The following BACE2 variants were observed in gnomAD, a reference collection of about 807,000 sequenced individuals.
The protein encoded by BACE2 is beta-secretase 2, also known as 56 kDa aspartic-like protease.
Under a neutral mutation model 46.2 loss-of-function variants are expected in BACE2, and 17 were observed. That is an observed-to-expected ratio of 0.37 (90% CI 0.25 to 0.55). The LOEUF (loss-of-function observed/expected upper bound fraction) is 0.55. Among genes scored for constraint, BACE2 ranks in the 20% least tolerant of loss-of-function variants. The pLI is 0.82. For missense variants in BACE2, 595 were observed against 698.1 expected (o/e 0.85, Z 1.66); for synonymous variants, 277 against 295.9 (o/e 0.94, Z 0.66).
intron 1 of BACE2, among the ~76,000 whole-genome samples, chr21:41,221,129 A>G (rs1986632326): frequency 6.6e-6 from 1 of 151,538 alleles, no homozygotes; most frequent in Non-Finnish European, 1.5e-5. Context: ...CTGTTTCCCT[A>G]CCATTCCTAC....
rs115629354 is a variant in BACE2 at position 41,248,990 on chromosome 21, C to A, written c.985-1762C>A. 3.0e-3 allele frequency among the ~76,000 whole-genome samples: 461 copies of A among 152,346 alleles called. 2 individuals are homozygous for A. Among genetic ancestry groups the A allele is most frequent in the African/African-American group, 9.8e-3 (407 of 41,568 alleles). Reference sequence around the variant, plus strand: ...TTCTGGCCTGAGCCACCTGTTCTTGCTGCACACCCTCCTACGTGATCCCAT... The same window carrying A: ...TTCTGGCCTGAGCCACCTGTTCTTGATGCACACCCTCCTACGTGATCCCAT... On this transcript the variant is annotated intron_variant, in intron 6 of 8. Transcript: ENST00000330333.
At chr21:41,271,073 A>T (rs2088429676) in intron 8 of BACE2, among the ~76,000 whole-genome samples, 1 of 152,136 alleles carries the variant, frequency 6.6e-6, no homozygotes, top group Non-Finnish European at 1.5e-5. Flanking sequence ...ACTTCTAGTA[A>T]TTTTTTTGAT....
chr21:41,199,347 G>A (rs1270253825), intron 1 of BACE2, among the ~76,000 whole-genome samples: 1 of 151,962 alleles, frequency 6.6e-6, no homozygotes, highest in African/African-American at 2.4e-5. Flanking sequence ...GGAGCCCCAG[G>A]GAGGAGGGGA....
chr21:41,250,899 C>T lies in BACE2; in HGVS notation c.1132C>T (p.Gln378Ter). Residue 378 changes from glutamine (Q) to a stop codon, truncating the protein, a stop_gained and splice_region_variant, in exon 7 of 9, where the codon CAG (glutamine) becomes TAG (stop). Transcript: ENST00000330333. LOFTEE classifies it high-confidence loss of function. ...GTCATTCCGTATCACAATCCTGCCT[C>T]AGGTATGAACTTGGATTTGTGCTTT... ...SRSFRITILP[Q>*]LYIQPMMGAG... 1 of 1,614,010 alleles carries T rather than the reference C, an allele frequency of 6.2e-7. No homozygotes were observed. The highest frequency in any genetic ancestry group is 8.5e-7 in the Non-Finnish European group (1 of 1,179,952).
chr21:41,273,488 AT>A (rs1346459587), intron 8 of BACE2, among the ~76,000 whole-genome samples: 1 of 152,114 alleles, frequency 6.6e-6, no homozygotes, highest in African/African-American at 2.4e-5. Context: ...ATTCAGCGAT[AT>A]TTCTCCTATT....
chr21:41,214,598 G>C (rs1020393790), intron 1 of BACE2, among the ~76,000 whole-genome samples: 2 of 152,216 alleles, frequency 1.3e-5, no homozygotes, highest in Non-Finnish European at 2.9e-5. Flanking sequence ...GTGCTCAAGA[G>C]ATTTGCTTTA....
chr21:41,257,185 G>C lies in BACE2; in HGVS notation c.1162G>C (p.Gly388Arg). 3.1e-6 allele frequency: 5 copies of C among 1,614,110 alleles called. No individual in the cohort carries two copies. Among genetic ancestry groups the C allele is most frequent in the Non-Finnish European group, 4.2e-6 (5 of 1,180,024 alleles). The change falls in exon 8 of 9, where the codon GGC becomes CGC. Residue 388 changes from glycine to arginine, a missense_variant. By Grantham distance (125) the Gly-to-Arg change is moderately radical (BLOSUM62 -2). Around this residue, in one of 3 missense-constraint regions of BACE2, gnomAD observed 343 missense variants for 419.4 expected, o/e 0.82. Transcript: ENST00000330333. Reference sequence around the variant, plus strand: ...TTACATTCAGCCCATGATGGGGGCCGGCCTGAATTATGAATGTTACCGATT... The same window carrying C: ...TTACATTCAGCCCATGATGGGGGCCCGCCTGAATTATGAATGTTACCGATT... The part of the protein sequence containing the change: ...QLYIQPMMGA[G>R]LNYECYRFGI...
At chr21:41,170,032 G>T (rs1354959763) in intron 1 of BACE2, among the ~76,000 whole-genome samples, 1 of 152,140 alleles carries the variant, frequency 6.6e-6, no homozygotes, top group South Asian at 2.1e-4. Context: ...GAATCTTTTG[G>T]AACAGGCCTT....
chr21:41,267,198 T>C (rs2088386723), intron 8 of BACE2, among the ~76,000 whole-genome samples: 1 of 152,192 alleles, frequency 6.6e-6, no homozygotes, highest in African/African-American at 2.4e-5. Flanking sequence ...GCTTCTCTTA[T>C]GCTTCCCCTG....
chr21:41,243,288 TCTC>T, intron 4 of BACE2, 85 bp from the exon 5 acceptor site: 1 of 1,115,174 alleles, frequency 9.0e-7, no homozygotes. Context: ...CAGTGAAGTT[TCTC>T]TTTACAAGTG....
At chr21:41,275,009 C>T (rs2088469705) in intron 8 of BACE2, among the ~76,000 whole-genome samples, 1 of 152,202 alleles carries the variant, frequency 6.6e-6, no homozygotes, top group Admixed American at 6.5e-5. Flanking sequence ...TGAGGAAGCA[C>T]AACCCACACA....
chr21:41,200,051 AG>A (rs914521510), intron 1 of BACE2, among the ~76,000 whole-genome samples: 1 of 93,510 alleles, frequency 1.1e-5, no homozygotes, highest in South Asian at 4.6e-4. Flanking sequence ...GGGTGGGGGG[AG>A]GGGGGAGGAA....
intron 8 of BACE2, among the ~76,000 whole-genome samples, chr21:41,274,216 T>C (rs1306228886): frequency 2.0e-5 from 3 of 152,096 alleles, no homozygotes; most frequent in South Asian, 2.1e-4. Flanking sequence ...TCTTTTTCAG[T>C]GCACTTAGGA....
intron 1 of BACE2, chr21:41,179,789 T>C (rs1352268880): frequency 3.5e-6 from 2 of 576,220 alleles, no homozygotes; most frequent in African/African-American, 2.0e-5. Flanking sequence ...GAGACTATTG[T>C]GTGTTTTATT....
At chr21:41,256,342 T>C (rs1202762628) in intron 7 of BACE2, among the ~76,000 whole-genome samples, 1 of 152,218 alleles carries the variant, frequency 6.6e-6, no homozygotes, top group East Asian at 1.9e-4. Flanking sequence ...CATGTGGTGT[T>C]TGGTTTTCTG....
chr21:41,210,130 C>T (rs964271409), intron 1 of BACE2, among the ~76,000 whole-genome samples: 2 of 152,016 alleles, frequency 1.3e-5, no homozygotes, highest in African/African-American at 4.8e-5. Context: ...AAACGGGCCT[C>T]CTACACCCTA....
intron 8 of BACE2, among the ~76,000 whole-genome samples, chr21:41,266,532 C>T (rs1300543031): frequency 1.3e-5 from 2 of 152,362 alleles, no homozygotes; most frequent in African/African-American, 2.4e-5. Flanking sequence ...CCAGGTTGTG[C>T]GAATTTAGAT....
chr21:41,190,685 C>G (rs1197778482), intron 1 of BACE2, among the ~76,000 whole-genome samples: 2 of 152,114 alleles, frequency 1.3e-5, no homozygotes, highest in African/African-American at 4.8e-5. Flanking sequence ...CATTTCTAGT[C>G]CTGCCTGGAT....
intron 5 of BACE2, among the ~76,000 whole-genome samples, chr21:41,244,588 A>C (rs1244693230): frequency 1.4e-5 from 1 of 71,698 alleles, no homozygotes; most frequent in Non-Finnish European, 2.5e-5. Flanking sequence ...GAATGTCATC[A>C]GTTAAGGCAG....
Sources: gnomAD v4.1 joint callset for allele counts (sites outside exome capture counted in the v4.1 genomes callset) on GRCh38, gnomAD v4.1.1 for gene constraint, gnomAD v4.1.1 regional missense constraint, MANE v1.5 for transcripts, NCBI Gene and HGNC (gene_info 2026-07-23, HGNC 2026-07-21) for gene names.